C1GALT1: variants seen among roughly 807,000 people sequenced by gnomAD.
C1GALT1 encodes the protein core 1 synthase, glycoprotein-N-acetylgalactosamine 3-beta-galactosyltransferase 1.
Under a neutral mutation model 31.0 loss-of-function variants are expected in C1GALT1, and 11 were observed. That is an observed-to-expected ratio of 0.36 (90% CI 0.22 to 0.59). The LOEUF (loss-of-function observed/expected upper bound fraction) is 0.59, where lower values mean the gene tolerates loss of function less well. Among genes scored for constraint, C1GALT1 ranks in the 20% least tolerant of loss-of-function variants. The probability of loss-of-function intolerance (pLI) is 0.79; values close to 1 mark genes in which losing one functional copy is unlikely to be tolerated. For synonymous variants in C1GALT1, 175 were observed against 143.6 expected (o/e 1.22, Z -1.56); for missense variants, 424 against 425.2 (o/e 1.00, Z 0.03).
intron 1 of C1GALT1, among the ~76,000 whole-genome samples, chr7:7,185,383 G>C (rs1215786970): frequency 6.6e-6 from 1 of 152,164 alleles, no homozygotes; most frequent in Non-Finnish European, 1.5e-5. Flanking sequence ...GTATTTTCTA[G>C]GGCTGCGGTA....
At chr7:7,197,711 A>T (rs1180767761) in intron 1 of C1GALT1, among the ~76,000 whole-genome samples, 2 of 151,942 alleles carry the variant, frequency 1.3e-5, no homozygotes, top group African/African-American at 2.4e-5. Context: ...GTCCTCTTTT[A>T]TTTTGTTGAG....
chr7:7,228,010 G>T (rs1782878802), intron 1 of C1GALT1, among the ~76,000 whole-genome samples: 1 of 152,174 alleles, frequency 6.6e-6, no homozygotes, highest in African/African-American at 2.4e-5. Context: ...CTGAATTCCT[G>T]ATTCAGATTG....
At chr7:7,200,757 C>G (rs924261513) in intron 1 of C1GALT1, among the ~76,000 whole-genome samples, 4 of 152,166 alleles carry the variant, frequency 2.6e-5, no homozygotes, top group Admixed American at 2.6e-4. Flanking sequence ...GATCTTCAAT[C>G]ACTGATACTC....
At chr7:7,167,919 A>T (rs993041119) in intron 2 of C1GALT1, among the ~76,000 whole-genome samples, 4 of 152,160 alleles carry the variant, frequency 2.6e-5, no homozygotes, top group Non-Finnish European at 4.4e-5. Context: ...GAATCCTAAG[A>T]ATCTTACCTT....
At chr7:7,189,247 A>G (rs1167180145) in intron 1 of C1GALT1, among the ~76,000 whole-genome samples, 1 of 152,188 alleles carries the variant, frequency 6.6e-6, no homozygotes, top group Admixed American at 6.5e-5. Context: ...GCTGTCGAGC[A>G]TCTTGGCTGA....
rs1337032121 is a variant in C1GALT1 at position 7,247,934 on chromosome 7, A to T, written c.*4207A>T. 1 of 152,050 alleles carries T rather than the reference A, an allele frequency of 6.6e-6. No individual in the cohort carries two copies. Among genetic ancestry groups the T allele is most frequent in the East Asian group, 1.9e-4 (1 of 5,202 alleles). The allele number at this position is 152,050 out of a possible 1,614,324, so 9.4% of individuals were successfully genotyped here. A position where few individuals can be genotyped will look rare whatever the true frequency, so the allele number is the denominator to read the frequency against. Reference sequence around the variant, plus strand: ...TCTCGAGATACTTGCCCTACTTAAAAATCTATAATTTAAAATTAATTCTAT... The same window carrying T: ...TCTCGAGATACTTGCCCTACTTAAATATCTATAATTTAAAATTAATTCTAT... On this transcript the variant is annotated 3_prime_UTR_variant, in exon 4 of 4. Transcript: ENST00000436587.
At chr7:7,180,916 A>AAAC (rs1780569775), upstream of C1GALT1, among the ~76,000 whole-genome samples, 1 of 151,832 alleles carries the variant, frequency 6.6e-6, no homozygotes, top group African/African-American at 2.4e-5. Context: ...TCTTCAAAAA[A>AAAC]AAAAAAAAGC....
intron 2 of C1GALT1, among the ~76,000 whole-genome samples, chr7:7,160,490 T>C (rs2128226292): frequency 6.6e-6 from 1 of 152,228 alleles, no homozygotes. Flanking sequence ...TTACCCTGTT[T>C]CTCATGAGAA....
chr7:7,176,672 CT>C (rs144213558), intron 2 of C1GALT1, among the ~76,000 whole-genome samples: 3,491 of 152,250 alleles, frequency 0.023, 130 homozygotes, highest in East Asian at 0.16. Flanking sequence ...ATTTCCTAGA[CT>C]TTTTTTCTTT....
At chr7:7,167,052 G>C (rs554328875) in intron 2 of C1GALT1, among the ~76,000 whole-genome samples, 9 of 152,318 alleles carry the variant, frequency 5.9e-5, no homozygotes, top group Admixed American at 5.2e-4. Flanking sequence ...ACCAGGCTCA[G>C]AGTATTCCAC....
chr7:7,217,086 C>T (rs1017467650), intron 1 of C1GALT1, among the ~76,000 whole-genome samples: 3 of 152,106 alleles, frequency 2.0e-5, no homozygotes, highest in Non-Finnish European at 4.4e-5. Context: ...AGTTGAAATC[C>T]GCTGCATACT....
intron 1 of C1GALT1, among the ~76,000 whole-genome samples, chr7:7,226,657 A>C (rs1164025606): frequency 6.6e-6 from 1 of 152,192 alleles, no homozygotes; most frequent in Non-Finnish European, 1.5e-5. Flanking sequence ...AGCCTGCAAG[A>C]ATTTCAGATG....
At chr7:7,203,377 C>T (rs1201417747) in intron 1 of C1GALT1, among the ~76,000 whole-genome samples, 1 of 151,896 alleles carries the variant, frequency 6.6e-6, no homozygotes, top group Non-Finnish European at 1.5e-5. Context: ...CTGTGGGTTT[C>T]TCGTGAGTGT....
At chr7:7,174,520 GA>G (rs1780485038) in intron 2 of C1GALT1, among the ~76,000 whole-genome samples, 1 of 151,708 alleles carries the variant, frequency 6.6e-6, no homozygotes, top group Non-Finnish European at 1.5e-5. Flanking sequence ...GAGGTGGGAG[GA>G]TTACAAGCTC....
chr7:7,208,811 G>T (rs1288644539), intron 1 of C1GALT1, among the ~76,000 whole-genome samples: 1 of 152,240 alleles, frequency 6.6e-6, no homozygotes, highest in African/African-American at 2.4e-5. Context: ...CACGTGCACA[G>T]TTGCCTGCCT....
At chr7:7,230,631 T>C (rs1357625454) in intron 1 of C1GALT1, among the ~76,000 whole-genome samples, 1 of 151,620 alleles carries the variant, frequency 6.6e-6, no homozygotes, top group Non-Finnish European at 1.5e-5. Context: ...CCTTTTTTTT[T>C]TTTTTTTTAA....
chr7:7,185,347 C>T (rs1214748369), intron 1 of C1GALT1, among the ~76,000 whole-genome samples: 1 of 152,146 alleles, frequency 6.6e-6, no homozygotes, highest in Non-Finnish European at 1.5e-5. Flanking sequence ...TACAGCTTGG[C>T]ATAGTTATTT....
intron 1 of C1GALT1, among the ~76,000 whole-genome samples, chr7:7,194,569 C>T (rs112458513): frequency 0.033 from 4,993 of 152,088 alleles, 182 homozygotes; most frequent in African/African-American, 0.091. Context: ...TTGGATTCGG[C>T]TAGCTAGTAT....
chr7:7,233,168 A>G (rs1031378395), intron 1 of C1GALT1, among the ~76,000 whole-genome samples: 6 of 152,212 alleles, frequency 3.9e-5, no homozygotes, highest in Admixed American at 2.0e-4. Context: ...GGGCAGTTCA[A>G]CAGGCATCTG....
Sources: gnomAD v4.1 joint callset for allele counts (sites outside exome capture counted in the v4.1 genomes callset) on GRCh38, gnomAD v4.1.1 for gene constraint, MANE v1.5 for transcripts, NCBI Gene and HGNC (gene_info 2026-07-23, HGNC 2026-07-21) for gene names.